The following ARMC1 variants were observed in gnomAD, a reference collection of about 807,000 sequenced individuals.
ARMC1 encodes armadillo repeat-containing protein 1.
ARMC1 carries 16 observed loss-of-function variants against 31.4 expected under a neutral mutation model. The observed-to-expected ratio is 0.51, with a 90% CI of 0.34 to 0.77. ARMC1 has a LOEUF of 0.77. Ranked by LOEUF, ARMC1 falls within the 30% of genes least tolerant of loss-of-function variation. The probability of loss-of-function intolerance (pLI) is 0.01; values close to 1 mark genes in which losing one functional copy is unlikely to be tolerated. For missense variants in ARMC1, 259 were observed against 347.5 expected (o/e 0.75, Z 2.02); for synonymous variants, 114 against 118.9 (o/e 0.96, Z 0.27).
chr8:65,613,244 C>A lies in ARMC1; in HGVS notation c.465G>T (p.Thr155=). 1 of 1,593,934 alleles carries A rather than the reference C, an allele frequency of 6.3e-7. No individual in the cohort carries two copies. Among genetic ancestry groups the A allele is most frequent in the Non-Finnish European group, 8.5e-7 (1 of 1,172,042 alleles). The change falls in exon 4 of 7, where the codon ACG becomes ACT. Residue 155 remains threonine (T), a splice_region_variant and synonymous_variant. Coordinates refer to ENST00000276569, the MANE Select transcript of ARMC1 (RefSeq NM_018120.6). ...CTCTTTCCCATCTAACAGACCTTAC[C>A]GTATCATCAAGGCCATCTATATGCA... The part of the protein sequence containing the change: ...VVLHIDGLDD[T]SRRNLCEEAL...
intron 2 of ARMC1, 120 bp from the exon 3 acceptor site, chr8:65,622,474 A>G (rs1808415017): frequency 1.4e-6 from 1 of 702,334 alleles, no homozygotes; most frequent in Non-Finnish European, 2.3e-6. Context: ...TTAGAATAAA[A>G]TCCTTTAAAT....
intron 3 of ARMC1, among the ~76,000 whole-genome samples, chr8:65,619,870 G>T (rs765961162): frequency 5.9e-4 from 89 of 151,842 alleles, no homozygotes; most frequent in Non-Finnish European, 4.6e-4. Flanking sequence ...TGTAATCCCA[G>T]GTACTTGGGA....
At chr8:65,630,849 G>A (rs375828563) in intron 1 of ARMC1, among the ~76,000 whole-genome samples, 130 of 151,730 alleles carry the variant, frequency 8.6e-4, no homozygotes, top group African/African-American at 2.9e-3. Flanking sequence ...AAACCTTCCA[G>A]TCTTCAAAGA....
chr8:65,615,400 TAAAAAAAAA>T (rs10612716), intron 3 of ARMC1, among the ~76,000 whole-genome samples: 1 of 140,062 alleles, frequency 7.1e-6, no homozygotes, highest in South Asian at 2.3e-4. Context: ...GAACTTAAGT[TAAAAAAAAA>T]AAAAAAAAAA....
At chr8:65,610,206 T>G (rs952865074) in intron 4 of ARMC1, among the ~76,000 whole-genome samples, 1 of 151,968 alleles carries the variant, frequency 6.6e-6, no homozygotes, top group Admixed American at 6.6e-5. Flanking sequence ...CAAGCGATTC[T>G]CCTGACTCAA....
intron 3 of ARMC1, among the ~76,000 whole-genome samples, chr8:65,618,914 G>A (rs1040845185): frequency 1.3e-5 from 2 of 151,906 alleles, no homozygotes; most frequent in Admixed American, 6.6e-5. Flanking sequence ...GTGGTGGCAC[G>A]TACCTGTGGT....
At chr8:65,620,737 G>T (rs192820693) in intron 3 of ARMC1, among the ~76,000 whole-genome samples, 1 of 149,160 alleles carries the variant, frequency 6.7e-6, no homozygotes, top group African/African-American at 2.5e-5. Context: ...CTATCCCTCT[G>T]ACTAATCACT....
intron 2 of ARMC1, among the ~76,000 whole-genome samples, chr8:65,626,529 C>G (rs754266577): frequency 1.3e-5 from 2 of 151,332 alleles, no homozygotes; most frequent in African/African-American, 4.9e-5. Flanking sequence ...ATACTAAAAT[C>G]ACTTAATTGT....
chr8:65,605,116 A>G (rs1436713487), intron 6 of ARMC1, 147 bp downstream of exon 6: 2 of 662,114 alleles, frequency 3.0e-6, no homozygotes, highest in South Asian at 2.1e-5. Flanking sequence ...AGATCTCTCT[A>G]TATTTCTAAA....
chr8:65,621,681 G>T (rs543730114), intron 3 of ARMC1, among the ~76,000 whole-genome samples: 93 of 152,134 alleles, frequency 6.1e-4, no homozygotes, highest in Non-Finnish European at 1.1e-3. Flanking sequence ...GCTAATTTTT[G>T]TATTTTTACT....
intron 4 of ARMC1, among the ~76,000 whole-genome samples, chr8:65,609,882 G>GAAAAAGAAA (rs63593062): frequency 0.58 from 68,531 of 118,476 alleles, 20,486 homozygotes; most frequent in African/African-American, 0.67. Flanking sequence ...AAAAAGAAAA[G>GAAAAAGAAA]AAAAAGAAAA....
chr8:65,630,325 A>G (rs1182817137), intron 1 of ARMC1, among the ~76,000 whole-genome samples: 1 of 152,204 alleles, frequency 6.6e-6, no homozygotes, highest in Non-Finnish European at 1.5e-5. Flanking sequence ...TTTACAATAA[A>G]ATGTTTTAAA....
chr8:65,607,889 T>C (rs1183330661), intron 4 of ARMC1, among the ~76,000 whole-genome samples: 1 of 152,096 alleles, frequency 6.6e-6, no homozygotes, highest in East Asian at 1.9e-4. Context: ...CCCTTGCTAC[T>C]ATCACACTGG....
chr8:65,604,536 T>C lies in ARMC1; in HGVS notation c.707A>G (p.Glu236Gly), dbSNP rs1391634945. Residue 236 changes from glutamate to glycine, a missense_variant, in exon 7 of 7, where the codon GAG (glutamate) becomes GGG (glycine). Coordinates refer to ENST00000276569, the MANE Select transcript of ARMC1 (RefSeq NM_018120.6). ...DTPVEVEQNT[E>G]LPDYLPEDES... ...ATCCTCAGGCAGGTAGTCAGGTAGC[T>C]CTGTGTTCTGTTCAACTTCCACAGG... The C allele has an allele frequency of 1.2e-6, 2 of 1,613,960 alleles. No homozygotes were observed. The highest frequency in any genetic ancestry group is 2.7e-5 in the African/African-American group (2 of 74,944).
In ARMC1 at chr8:65,628,289, T is replaced by C. The variant is rs889472166; in HGVS notation, c.-35-856A>G. 2.0e-5 allele frequency among the ~76,000 whole-genome samples: 3 copies of C among 151,804 alleles called. No homozygotes were observed. The East Asian group carries it at 5.8e-4, about 30-fold the overall frequency. ...TTCTCCAAGACAGAGTCGCATTCTG[T>C]CACCCAGGCTGGAATGCAGTGGCAC... On this transcript the variant is annotated intron_variant, in intron 1 of 6. Transcript: ENST00000276569.
chr8:65,607,309 G>A (rs544967455), intron 4 of ARMC1, among the ~76,000 whole-genome samples: 2 of 152,278 alleles, frequency 1.3e-5, no homozygotes, highest in Admixed American at 1.3e-4. Context: ...TCAACACCAG[G>A]TAAACTTGAA....
At chr8:65,613,820 T>C (rs1051398827) in intron 3 of ARMC1, among the ~76,000 whole-genome samples, 2 of 151,954 alleles carry the variant, frequency 1.3e-5, no homozygotes, top group Admixed American at 1.3e-4. Context: ...ATTAGCTGGG[T>C]GTGGTGGCGC....
At chr8:65,610,713 A>C (rs1808119690) in intron 4 of ARMC1, among the ~76,000 whole-genome samples, 1 of 152,032 alleles carries the variant, frequency 6.6e-6, no homozygotes, top group African/African-American at 2.4e-5. Context: ...AAAAATTTAA[A>C]AACCAATGAT....
At chr8:65,630,586 A>G (rs1287108373) in intron 1 of ARMC1, among the ~76,000 whole-genome samples, 4 of 152,342 alleles carry the variant, frequency 2.6e-5, no homozygotes, top group South Asian at 4.1e-4. Flanking sequence ...TGGGAGGCCA[A>G]TGCAGCCGGA....
Sources: allele counts gnomAD v4.1 joint callset (sites outside exome capture counted in the v4.1 genomes callset), GRCh38; gene constraint gnomAD v4.1.1; transcripts MANE v1.5; gene names NCBI Gene and HGNC (gene_info 2026-07-23, HGNC 2026-07-21).